WASF3: variants seen among roughly 807,000 people sequenced by gnomAD.
The protein encoded by WASF3 is actin-binding protein WASF3.
WASF3 carries 11 observed loss-of-function variants against 46.6 expected under a neutral mutation model. That is an observed-to-expected ratio of 0.24 (90% CI 0.15 to 0.39). WASF3 has a LOEUF of 0.39. WASF3 is among the 10% of genes least tolerant of loss of function. The pLI is 1.00. For synonymous variants in WASF3, 242 were observed against 259.7 expected (o/e 0.93, Z 0.65); for missense variants, 576 against 669.8 (o/e 0.86, Z 1.55).
At chr13:26,669,177 G>C (rs1306052557) in intron 5 of WASF3, among the ~76,000 whole-genome samples, 1 of 146,698 alleles carries the variant, frequency 6.8e-6, no homozygotes, top group Non-Finnish European at 1.5e-5. Flanking sequence ...TGTGTATTCA[G>C]TCTTATGGAA....
intron 1 of WASF3, chr13:26,577,538 A>C (rs948820167): frequency 6.0e-6 from 8 of 1,327,260 alleles, no homozygotes; most frequent in Non-Finnish European, 1.1e-6. Context: ...AAAAATGCTG[A>C]AGAAGCCCAA....
At chr13:26,664,527 G>A (rs1217581355) in intron 3 of WASF3, among the ~76,000 whole-genome samples, 1 of 152,210 alleles carries the variant, frequency 6.6e-6, no homozygotes, top group Non-Finnish European at 1.5e-5. Flanking sequence ...GCCTGAGTCA[G>A]CGCTATATAC....
chr13:26,541,827 T>C, the WASF3 span, among the ~76,000 whole-genome samples: 4 of 152,286 alleles, frequency 2.6e-5, no homozygotes, highest in South Asian at 2.1e-4. Flanking sequence ...TGCTACATCC[T>C]TCCCTCAAAC....
chr13:26,611,252 C>G (rs1880970115), intron 1 of WASF3, among the ~76,000 whole-genome samples: 1 of 151,960 alleles, frequency 6.6e-6, no homozygotes, highest in Admixed American at 6.6e-5. Context: ...ACTTTTTGAT[C>G]CTAATTTCTT....
At chr13:26,597,790 T>G (rs181532569) in intron 1 of WASF3, among the ~76,000 whole-genome samples, 61 of 152,352 alleles carry the variant, frequency 4.0e-4, no homozygotes, top group African/African-American at 1.4e-3. Flanking sequence ...ACAAAGGACA[T>G]GAACTCGTCA....
In WASF3 at chr13:26,682,542, A is replaced by G. The variant is rs1883261491; in HGVS notation, c.984-65A>G. On this transcript the variant is annotated intron_variant, in intron 8 of 9. Coordinates refer to ENST00000335327, the MANE Select transcript of WASF3 (RefSeq NM_006646.6). This position sits in a 1 kb window ranked among gnomAD's most constrained non-coding sequence, Gnocchi z 4.4. ...CTGGGGATGGCTCCGTTAGGTGTCT[A>G]AGAGCTCCCAGGACGTGACCCTCTC... 6.2e-7 allele frequency: 1 copy of G among 1,602,442 alleles called. No individual in the cohort carries two copies. The highest frequency in any genetic ancestry group is 8.5e-7 in the Non-Finnish European group (1 of 1,174,494).
chr13:26,553,455 A>G (rs1422447326), upstream of WASF3, among the ~76,000 whole-genome samples: 1 of 151,934 alleles, frequency 6.6e-6, no homozygotes. Context: ...TATTTTGGAG[A>G]TATATGCTGA....
chr13:26,560,302 C>T (rs949549206), intron 1 of WASF3, among the ~76,000 whole-genome samples: 1 of 152,148 alleles, frequency 6.6e-6, no homozygotes, highest in Middle Eastern at 3.4e-3. Flanking sequence ...ATATTTTATG[C>T]CAGTAATACA....
the WASF3 span, among the ~76,000 whole-genome samples, chr13:26,546,436 T>C: frequency 2.0e-5 from 3 of 152,234 alleles, no homozygotes; most frequent in Admixed American, 2.0e-4. Context: ...GTGCGGTGGC[T>C]CACGCCTGCA....
intron 2 of WASF3, among the ~76,000 whole-genome samples, chr13:26,640,041 G>C (rs1409558033): frequency 6.6e-6 from 1 of 152,074 alleles, no homozygotes; most frequent in African/African-American, 2.4e-5. Context: ...GAGGTGATAG[G>C]TGTGATAGGT....
intron 2 of WASF3, among the ~76,000 whole-genome samples, chr13:26,624,471 C>T (rs1881405479): frequency 6.6e-6 from 1 of 152,034 alleles, no homozygotes; most frequent in Non-Finnish European, 1.5e-5. Context: ...GGAACAGTAT[C>T]AGTAGTCTAA....
At chr13:26,658,748 G>C (rs1008766396) in intron 3 of WASF3, among the ~76,000 whole-genome samples, 50 of 152,214 alleles carry the variant, frequency 3.3e-4, no homozygotes, top group Admixed American at 3.2e-3. Context: ...GAGCTTAGAT[G>C]AATGAAGGCA....
chr13:26,567,340 G>A (rs753358424), intron 1 of WASF3, among the ~76,000 whole-genome samples: 12 of 152,164 alleles, frequency 7.9e-5, no homozygotes, highest in Non-Finnish European at 1.6e-4. Flanking sequence ...TTTAGAGACC[G>A]AGAGAGATGG....
intron 1 of WASF3, among the ~76,000 whole-genome samples, chr13:26,564,900 G>GTTTTTTTT (rs66809412): frequency 2.1e-4 from 17 of 81,626 alleles, no homozygotes; most frequent in Non-Finnish European, 2.9e-4. Context: ...CAAGGTTGTG[G>GTTTTTTTT]TTTTTTTTTT....
intron 3 of WASF3, among the ~76,000 whole-genome samples, chr13:26,657,369 T>G (rs1334731791): frequency 6.6e-6 from 1 of 152,222 alleles, no homozygotes; most frequent in Non-Finnish European, 1.5e-5. Context: ...GTAACTTGTA[T>G]TAGGTTGGTG....
intron 1 of WASF3, among the ~76,000 whole-genome samples, chr13:26,608,927 T>C (rs998211428): frequency 5.3e-5 from 8 of 152,166 alleles, no homozygotes. Context: ...ATCTCATCGA[T>C]AGAAGTGAAA....
At chr13:26,544,756 C>T in the WASF3 span, among the ~76,000 whole-genome samples, 1 of 152,176 alleles carries the variant, frequency 6.6e-6, no homozygotes, top group African/African-American at 2.4e-5. Context: ...GACTGCAGGA[C>T]TCCACGTCAA....
chr13:26,576,095 T>C (rs1239634140), intron 1 of WASF3, among the ~76,000 whole-genome samples: 2 of 152,144 alleles, frequency 1.3e-5, no homozygotes, highest in Non-Finnish European at 2.9e-5. Flanking sequence ...TCTAATTATA[T>C]AAATATTTGA....
chr13:26,583,044 G>T (rs928402640), intron 1 of WASF3, among the ~76,000 whole-genome samples: 5 of 152,190 alleles, frequency 3.3e-5, no homozygotes, highest in East Asian at 1.9e-4. Context: ...TGCTAAAGTG[G>T]TAATTTGAAG....
Sources: gnomAD v4.1 joint callset for allele counts (sites outside exome capture counted in the v4.1 genomes callset) on GRCh38, gnomAD v4.1.1 for gene constraint, Gnocchi (gnomAD v3.1) non-coding constraint, MANE v1.5 for transcripts, NCBI Gene and HGNC (gene_info 2026-07-23, HGNC 2026-07-21) for gene names.